RALB: variants seen among roughly 807,000 people sequenced by gnomAD.
RALB encodes ras-related protein Ral-B.
A neutral mutation model predicts 21.3 loss-of-function variants in RALB; 16 were observed. The ratio of observed to expected loss-of-function variants is 0.75; its 90% CI spans 0.51 to 1.14. RALB has a LOEUF of 1.14. RALB is among the 50% of genes most tolerant of loss of function. RALB has a pLI of 0.00. For synonymous variants in RALB, 93 were observed against 96.1 expected, an observed-to-expected ratio of 0.97 and a Z score of 0.19; for missense variants, 161 against 256.2, an observed-to-expected ratio of 0.63 and a Z score of 2.54.
intron 1 of RALB, chr2:120,253,401 C>G: frequency 1.0e-6 from 1 of 985,556 alleles, no homozygotes; most frequent in Non-Finnish European, 1.2e-6. Context: ...GGAACTTGCA[C>G]GCGCCGTGAA....
intron 1 of RALB, among the ~76,000 whole-genome samples, chr2:120,241,089 C>T (rs766425763): frequency 5.9e-5 from 9 of 152,204 alleles, no homozygotes; most frequent in African/African-American, 2.4e-5. Context: ...TTGGATGCAC[C>T]AGCAGAAAGC....
At chr2:120,253,041 C>G (rs1689096103) in intron 1 of RALB, 61 bp downstream of exon 1, 1 of 918,024 alleles carries the variant, frequency 1.1e-6, no homozygotes, top group Non-Finnish European at 1.3e-6. Context: ...GAGTGGGGTA[C>G]GCCGCACGCC....
intron 1 of RALB, among the ~76,000 whole-genome samples, chr2:120,269,340 A>T (rs1296973562): frequency 3.9e-5 from 6 of 152,196 alleles, no homozygotes; most frequent in Non-Finnish European, 8.8e-5. Context: ...GCACAGGCTG[A>T]AAGAGTGAAC....
intron 3 of RALB, among the ~76,000 whole-genome samples, chr2:120,288,025 G>A (rs1331188299): frequency 6.6e-6 from 1 of 152,120 alleles, no homozygotes; most frequent in Non-Finnish European, 1.5e-5. Flanking sequence ...ACTTTTTCTG[G>A]AAAATATTTT....
intron 2 of RALB, among the ~76,000 whole-genome samples, chr2:120,285,080 G>A (rs1411655014): frequency 6.6e-6 from 1 of 152,134 alleles, no homozygotes; most frequent in Non-Finnish European, 1.5e-5. Flanking sequence ...GAAAAGAGGT[G>A]TATAGCCTCT....
intron 1 of RALB, among the ~76,000 whole-genome samples, chr2:120,267,942 C>T (rs913002351): frequency 1.3e-5 from 2 of 152,080 alleles, no homozygotes; most frequent in Non-Finnish European, 2.9e-5. Flanking sequence ...CAGGCACGAG[C>T]CACCATGCCC....
intron 1 of RALB, among the ~76,000 whole-genome samples, chr2:120,265,928 TC>T (rs1171237937): frequency 6.6e-6 from 1 of 152,230 alleles, no homozygotes; most frequent in Admixed American, 6.5e-5. Context: ...GGCTGCCTCT[TC>T]AGGTAGCAGG....
intron 1 of RALB, among the ~76,000 whole-genome samples, chr2:120,277,347 G>T (rs572304798): frequency 7.1e-6 from 1 of 140,992 alleles, no homozygotes; most frequent in South Asian, 2.2e-4. Context: ...GTGAGCATGT[G>T]AACATGTGTG....
chr2:120,240,238 C>A, intron 1 of RALB: 1 of 1,016,152 alleles, frequency 9.8e-7, no homozygotes, highest in Non-Finnish European at 1.3e-6. Flanking sequence ...AACAGACTTG[C>A]CTGGGGTCAC....
At chr2:120,252,056 G>A (rs1689066987), upstream of RALB, among the ~76,000 whole-genome samples, 1 of 152,176 alleles carries the variant, frequency 6.6e-6, no homozygotes, top group Non-Finnish European at 1.5e-5. Flanking sequence ...AGAGGCAGAC[G>A]TTTAAACTGT....
intron 1 of RALB, among the ~76,000 whole-genome samples, chr2:120,242,536 C>A (rs958914363): frequency 6.6e-6 from 1 of 152,000 alleles, no homozygotes; most frequent in African/African-American, 2.4e-5. Context: ...AGATCGAGAC[C>A]ATCCTGGTTA....
chr2:120,253,712 A>G (rs1219981209), intron 1 of RALB: 2 of 985,218 alleles, frequency 2.0e-6, no homozygotes, highest in Non-Finnish European at 2.4e-6. Flanking sequence ...GAAACGTTGG[A>G]ACTTTGGTGT....
intron 2 of RALB, 85 bp downstream of exon 2, chr2:120,278,863 C>G: frequency 7.8e-7 from 1 of 1,288,064 alleles, no homozygotes; most frequent in Middle Eastern, 2.5e-4. Flanking sequence ...GCCGGTCCTC[C>G]CGTACACAGG....
At chr2:120,274,165 C>T (rs1185457406) in intron 1 of RALB, among the ~76,000 whole-genome samples, 1 of 152,120 alleles carries the variant, frequency 6.6e-6, no homozygotes, top group Non-Finnish European at 1.5e-5. Context: ...AGGTTCCAAC[C>T]TCATTCACAA....
Position 120,278,668 on chromosome 2 carries a change from G to T in RALB, c.4G>T (p.Ala2Ser). Residue 2 changes from alanine to serine, a missense_variant, in exon 2 of 5, where the codon GCT (alanine) becomes TCT (serine). Coordinates refer to ENST00000272519, the MANE Select transcript of RALB (RefSeq NM_002881.3). MAANKSKGQSSL... is the reference protein window; with the variant it reads MSANKSKGQSSL... ...ACAGCCTCAGAAGACCAGCGAGATGGCTGCCAACAAGAGTAAGGGCCAGAG... is the reference window on the plus strand; with the variant it reads ...ACAGCCTCAGAAGACCAGCGAGATGTCTGCCAACAAGAGTAAGGGCCAGAG... 1.9e-6 allele frequency: 3 copies of T among 1,593,192 alleles called. No homozygotes were observed. Among genetic ancestry groups the T allele is most frequent in the Non-Finnish European group, 2.6e-6 (3 of 1,169,084 alleles).
At chr2:120,240,081 A>C in exon 1 of RALB, 1 of 1,289,230 alleles carries the variant, frequency 7.8e-7, no homozygotes, top group Non-Finnish European at 1.0e-6. Context: ...GCAGCGGGAG[A>C]GCGGGTGGCA....
At chr2:120,289,463 T>TA (rs1174015147) in intron 3 of RALB, 117 bp from the exon 4 acceptor site, 6 of 1,059,230 alleles carry the variant, frequency 5.7e-6, no homozygotes, top group Non-Finnish European at 8.5e-6. Flanking sequence ...GCCCTAAATC[T>TA]AGTGATTTTT....
intron 3 of RALB, among the ~76,000 whole-genome samples, chr2:120,287,231 G>A (rs532736465): frequency 3.3e-5 from 5 of 152,284 alleles, no homozygotes; most frequent in Non-Finnish European, 7.4e-5. Context: ...GGGAGGCCTC[G>A]GGTGAGCACA....
rs866454925 is a variant in RALB, at chr2:120,271,630, T to C, written c.-47-6988T>C. 3.0e-4 allele frequency among the ~76,000 whole-genome samples: 45 copies of C among 152,364 alleles called. No homozygotes were observed. The Middle Eastern group carries it at 0.017, about 58-fold the overall frequency. The stretch of plus-strand genomic sequence containing the variant: ...TCCCATACCTTATGCTTCAATATTA[T>C]GTGACTCCTGAACCCACTGTGATGT... On this transcript the variant is annotated intron_variant, in intron 1 of 4. Transcript: ENST00000272519.
Sources: allele counts gnomAD v4.1 joint callset (sites outside exome capture counted in the v4.1 genomes callset), GRCh38; gene constraint gnomAD v4.1.1; transcripts MANE v1.5; gene names NCBI Gene and HGNC (gene_info 2026-07-23, HGNC 2026-07-21).